Variants in VPS13D observed in about 807,000 individuals in gnomAD.
VPS13D encodes intermembrane lipid transfer protein VPS13D.
Under a neutral mutation model 461.9 loss-of-function variants are expected in VPS13D, and 187 were observed. The ratio of observed to expected loss-of-function variants is 0.40; its 90% confidence interval spans 0.36 to 0.46. The LOEUF is 0.46. VPS13D is among the 20% of genes least tolerant of loss of function. The pLI is 0.60. For missense variants in VPS13D, 4,711 were observed against 5,364.9 expected (o/e 0.88, Z 3.81); for synonymous variants, 1,951 against 1,986.3 (o/e 0.98, Z 0.47).
At chr1:12,315,891 A>G (rs1284888087) in intron 30 of VPS13D, among the ~76,000 whole-genome samples, 1 of 151,712 alleles carries the variant, frequency 6.6e-6, no homozygotes, top group Non-Finnish European at 1.5e-5. Context: ...ATCTCAGCTC[A>G]CTGCAACCTC....
chr1:12,352,526 A>T (rs1280478603), intron 46 of VPS13D, among the ~76,000 whole-genome samples: 2 of 152,182 alleles, frequency 1.3e-5, no homozygotes, highest in African/African-American at 2.4e-5. Context: ...GTAATGTTTT[A>T]CTCTAATTGA....
intron 55 of VPS13D, among the ~76,000 whole-genome samples, chr1:12,376,886 G>A (rs572655712): frequency 1.3e-5 from 2 of 152,166 alleles, no homozygotes; most frequent in African/African-American, 4.8e-5. Context: ...GCAGTTAAGC[G>A]TGCTGACTCT....
intron 52 of VPS13D, 88 bp downstream of exon 52, chr1:12,363,335 CA>C (rs986662979): frequency 7.2e-7 from 1 of 1,397,928 alleles, no homozygotes; most frequent in African/African-American, 1.4e-5. Context: ...AAAATGGGCA[CA>C]AATATTTCTG....
Position 12,285,295 on chromosome 1 carries a change from TA to T in VPS13D, c.5634+1560del, listed in dbSNP as rs200786775. On this transcript the variant is annotated intron_variant, in intron 21 of 69. Coordinates refer to ENST00000620676, the MANE Select transcript of VPS13D (RefSeq NM_015378.4). Reference sequence around the variant, plus strand: ...TTATTTATTTATTTATTTATTTATTTATTTTTTTTTTTTGAGACGGAGTCTC... The same window carrying T: ...TTATTTATTTATTTATTTATTTATTTTTTTTTTTTTTTGAGACGGAGTCTC... Among the ~76,000 whole-genome samples, 284 of 146,930 alleles carry T rather than the reference TA, an allele frequency of 1.9e-3. 4 individuals carry two copies. Among genetic ancestry groups the T allele is most frequent in the South Asian group, 8.0e-3 (38 of 4,756 alleles).
At position 12,238,179 on chromosome 1, in the gene VPS13D, A is replaced by G. The variant is rs180859284; in HGVS notation, c.97+3816A>G. Among the ~76,000 whole-genome samples, 885 of 150,260 alleles carry G rather than the reference A, an allele frequency of 5.9e-3. 8 individuals carry two copies. The highest frequency in any genetic ancestry group is 0.02 in the African/African-American group (810 of 40,804). ...AAAAAAAAAAAAGAAATATATGTAT[A>G]TATATCTCCCCCCCAAAATATATAT... On this transcript the variant is annotated intron_variant, in intron 2 of 69. Coordinates refer to ENST00000620676, the MANE Select transcript of VPS13D (RefSeq NM_015378.4).
intron 6 of VPS13D, 145 bp from the exon 7 acceptor site, chr1:12,253,577 C>T: frequency 1.6e-6 from 1 of 625,010 alleles, no homozygotes; most frequent in Non-Finnish European, 2.8e-6. Context: ...TCTGTAAGAG[C>T]AGAAGCATGT....
At chr1:12,370,506 G>T (rs2101628348) in intron 54 of VPS13D, among the ~76,000 whole-genome samples, 1 of 152,286 alleles carries the variant, frequency 6.6e-6, no homozygotes, top group East Asian at 1.9e-4. Flanking sequence ...CATGCCTGGG[G>T]CCCAGAAAAT....
intron 21 of VPS13D, among the ~76,000 whole-genome samples, chr1:12,287,783 G>A (rs900896441): frequency 1.3e-5 from 2 of 152,074 alleles, no homozygotes; most frequent in Non-Finnish European, 2.9e-5. Flanking sequence ...GTTGGTTAAT[G>A]GTGGGCTTCT....
Position 12,382,991 on chromosome 1 carries a change from T to G in VPS13D, c.11206T>G (p.Ser3736Ala). The change falls in exon 58 of 70, where the codon TCT (serine) becomes GCT (alanine). Residue 3736 changes from serine (S) to alanine (A), a missense_variant. Physicochemically the swap from Ser to Ala is moderately conservative, Grantham distance 99. Coordinates refer to ENST00000620676, the MANE Select transcript of VPS13D (RefSeq NM_015378.4). ...GLVVQAKGGLSGLFDGAEVVL... is the reference protein window; with the variant it reads ...GLVVQAKGGLAGLFDGAEVVL... ...TGTCTTTTAGGCCAAAGGAGGACTT[T>G]CTGGTTTGTTTGATGGAGCTGAAGT... 1 of 1,613,830 alleles carries G rather than the reference T, an allele frequency of 6.2e-7. No homozygotes were observed.
chr1:12,359,331 C>T (rs1003640535), intron 50 of VPS13D, among the ~76,000 whole-genome samples: 2 of 152,028 alleles, frequency 1.3e-5, no homozygotes. Context: ...TAGTTTTGAA[C>T]ATTGGAACAC....
At chr1:12,462,243 G>T (rs1459331877) in intron 67 of VPS13D, among the ~76,000 whole-genome samples, 2 of 152,218 alleles carry the variant, frequency 1.3e-5, no homozygotes, top group Admixed American at 6.5e-5. Flanking sequence ...ATCAGAGAAG[G>T]TGATGGGGAG....
At chr1:12,439,034 T>G (rs1433041819) in intron 65 of VPS13D, among the ~76,000 whole-genome samples, 4 of 152,176 alleles carry the variant, frequency 2.6e-5, no homozygotes, top group Non-Finnish European at 5.9e-5. Flanking sequence ...AGTACACTTC[T>G]CCTTGCACCC....
intron 27 of VPS13D, among the ~76,000 whole-genome samples, chr1:12,310,335 C>T (rs1642697626): frequency 1.3e-5 from 2 of 152,216 alleles, no homozygotes; most frequent in African/African-American, 2.4e-5. Flanking sequence ...CGGCTTTTCT[C>T]TGCAGACAAA....
chr1:12,493,904 G>C (rs939910382), intron 67 of VPS13D, among the ~76,000 whole-genome samples: 1 of 152,192 alleles, frequency 6.6e-6, no homozygotes, highest in Non-Finnish European at 1.5e-5. Flanking sequence ...TTTTAGAGAA[G>C]AAAGAAGAGT....
chr1:12,493,957 GAA>G (rs753752941), intron 67 of VPS13D, among the ~76,000 whole-genome samples: 2 of 152,028 alleles, frequency 1.3e-5, no homozygotes, highest in Non-Finnish European at 2.9e-5. Context: ...GGAGTGGGGG[GAA>G]AATTCCTTTA....
chr1:12,334,577 G>A (rs1042349218), intron 38 of VPS13D, among the ~76,000 whole-genome samples: 1 of 152,228 alleles, frequency 6.6e-6, no homozygotes, highest in Admixed American at 6.5e-5. Flanking sequence ...GACCAGCCTA[G>A]GCAAAATTGT....
At chr1:12,327,919 GC>G in intron 36 of VPS13D, 65 bp downstream of exon 36, 1 of 1,504,968 alleles carries the variant, frequency 6.6e-7, no homozygotes, top group Non-Finnish European at 8.9e-7. Context: ...ATTATTTGGG[GC>G]CTTTTTTTTT....
intron 38 of VPS13D, among the ~76,000 whole-genome samples, chr1:12,334,238 C>T (rs900660600): frequency 2.0e-5 from 3 of 152,182 alleles, no homozygotes; most frequent in Admixed American, 1.3e-4. Context: ...ATTTCATCCA[C>T]TAATTTGCCT....
intron 65 of VPS13D, among the ~76,000 whole-genome samples, chr1:12,434,851 C>T (rs1046511585): frequency 2.0e-5 from 3 of 152,136 alleles, no homozygotes; most frequent in African/African-American, 7.2e-5. Context: ...AACCTGTTTC[C>T]TTCATTCTGG....
Sources: allele counts gnomAD v4.1 joint callset (sites outside exome capture counted in the v4.1 genomes callset), GRCh38; gene constraint gnomAD v4.1.1; transcripts MANE v1.5; gene names NCBI Gene and HGNC (gene_info 2026-07-23, HGNC 2026-07-21).